The following PRR5L variants were observed in gnomAD, a reference collection of about 807,000 sequenced individuals.
PRR5L encodes proline rich 5 like, also known as proline-rich protein 5-like.
A neutral mutation model predicts 36.4 loss-of-function variants in PRR5L; 21 were observed. The observed-to-expected ratio is 0.58, with a 90% confidence interval of 0.41 to 0.83. PRR5L has a LOEUF of 0.83. Among genes scored for constraint, PRR5L ranks in the 40% least tolerant of loss-of-function variants. PRR5L has a pLI of 0.00. For synonymous variants in PRR5L, 188 were observed against 197.0 expected, an observed-to-expected ratio of 0.95 and a Z score of 0.38; for missense variants, 381 against 473.3, an observed-to-expected ratio of 0.80 and a Z score of 1.81.
chr11:36,370,096 A>T (rs1311470881), intron 1 of PRR5L, among the ~76,000 whole-genome samples: 1 of 152,000 alleles, frequency 6.6e-6, no homozygotes, highest in South Asian at 2.1e-4. Context: ...CCTTACCATG[A>T]CCTTGCTCTG....
Position 36,455,337 on chromosome 11 carries a change from C to T in PRR5L, c.712+4002C>T, listed in dbSNP as rs117891369. 881 of 152,854 alleles carry T rather than the reference C, an allele frequency of 5.8e-3. 6 individuals are homozygous for T. The highest frequency in any genetic ancestry group is 9.4e-3 in the Non-Finnish European group (637 of 68,122). 9.5% of individuals were successfully genotyped at this position (152,854 alleles called of 1,614,324 possible). On this transcript the variant is annotated intron_variant, in intron 8 of 8. Transcript: ENST00000530639. ...AAGTCCCCAACAAAGGACCCGAGGA[C>T]GGCCTTATCCAGGCTTTGCATCTCT...
At chr11:36,338,126 T>C (rs1047286299) in intron 1 of PRR5L, among the ~76,000 whole-genome samples, 6 of 152,124 alleles carry the variant, frequency 3.9e-5, no homozygotes, top group Non-Finnish European at 7.4e-5. Context: ...GCTAGGAAAA[T>C]AAATTAGATG....
intron 4 of PRR5L, among the ~76,000 whole-genome samples, chr11:36,427,631 C>T (rs576306152): frequency 4.6e-5 from 7 of 152,188 alleles, no homozygotes; most frequent in South Asian, 2.1e-4. Flanking sequence ...GGCTGGGTTT[C>T]GCCCCGCCTT....
chr11:36,415,301 T>TA (rs1317053656), intron 3 of PRR5L, among the ~76,000 whole-genome samples: 4 of 152,234 alleles, frequency 2.6e-5, no homozygotes, highest in Non-Finnish European at 5.9e-5. Flanking sequence ...GGACAGCATC[T>TA]TCCTCAAACT....
At chr11:36,340,114 G>A (rs1432900495) in intron 1 of PRR5L, among the ~76,000 whole-genome samples, 2 of 152,230 alleles carry the variant, frequency 1.3e-5, no homozygotes, top group Non-Finnish European at 2.9e-5. Flanking sequence ...ACTGAGCAAA[G>A]GCTGCAGTCT....
chr11:36,338,687 A>G lies in PRR5L; in HGVS notation c.-126+42249A>G, dbSNP rs557011179. On this transcript the variant is annotated intron_variant, in intron 1 of 8. Transcript: ENST00000530639. ...CTCTGTGTTGGGAATTTTGTATGGA[A>G]TAAGATGTTGGACCACTCCTCAAAA... Among the ~76,000 whole-genome samples, 10 of 152,262 alleles carry G rather than the reference A, an allele frequency of 6.6e-5. No homozygotes were observed. In the South Asian group the frequency reaches 2.1e-3, roughly 32 times the overall value.
chr11:36,365,568 A>G lies in PRR5L; in HGVS notation c.-125-35429A>G. ...ATACGACTGCATTTTACAGTATTGC[A>G]TGGAGTATTTTTCCAAAAGTTATTA... On this transcript the variant is annotated intron_variant, in intron 1 of 8. Coordinates refer to ENST00000530639, the MANE Select transcript of PRR5L (RefSeq NM_001160167.2). Among the ~76,000 whole-genome samples, 4 of 152,262 alleles carry G rather than the reference A, an allele frequency of 2.6e-5. No homozygotes were observed. In the Middle Eastern group the frequency reaches 0.01, roughly 388 times the overall value.
intron 1 of PRR5L, chr11:36,362,009 G>C (rs377691065): frequency 4.9e-5 from 7 of 144,228 alleles, no homozygotes; most frequent in South Asian, 2.2e-4. Context: ...CCCTTACCAA[G>C]TTCAAAGTCG....
At chr11:36,428,246 C>T (rs566976900) in intron 4 of PRR5L, among the ~76,000 whole-genome samples, 2 of 152,264 alleles carry the variant, frequency 1.3e-5, no homozygotes, top group African/African-American at 4.8e-5. Flanking sequence ...GAGGCAGGGC[C>T]ATGGGTGAGC....
At chr11:36,426,345 G>A (rs969434629) in intron 4 of PRR5L, among the ~76,000 whole-genome samples, 30 of 151,960 alleles carry the variant, frequency 2.0e-4, no homozygotes, top group African/African-American at 6.5e-4. Flanking sequence ...CACTTACTTT[G>A]TTAGAACACT....
At chr11:36,434,165 G>T (rs1858558826) in intron 5 of PRR5L, among the ~76,000 whole-genome samples, 1 of 152,146 alleles carries the variant, frequency 6.6e-6, no homozygotes, top group African/African-American at 2.4e-5. Context: ...CCCTGCCCTG[G>T]CATGGCCTGA....
intron 1 of PRR5L, among the ~76,000 whole-genome samples, chr11:36,352,273 ATTAT>A (rs1240810336): frequency 6.6e-6 from 1 of 151,502 alleles, no homozygotes; most frequent in East Asian, 1.9e-4. Flanking sequence ...TTTTGATGGG[ATTAT>A]TTGTTTTTTG....
chr11:36,340,017 T>C (rs1449234008), intron 1 of PRR5L, among the ~76,000 whole-genome samples: 1 of 152,206 alleles, frequency 6.6e-6, no homozygotes. Context: ...CTTGCGTCCT[T>C]ACAGCACAGT....
chr11:36,458,403 T>C (rs1354157147), intron 8 of PRR5L, among the ~76,000 whole-genome samples: 2 of 152,250 alleles, frequency 1.3e-5, no homozygotes, highest in African/African-American at 4.8e-5. Flanking sequence ...AGATTGGGAC[T>C]AAACAGCGAG....
At chr11:36,376,289 A>G (rs1178051292) in intron 1 of PRR5L, 7 of 1,135,398 alleles carry the variant, frequency 6.2e-6, no homozygotes, top group Non-Finnish European at 6.8e-6. Context: ...CGGGACAGGA[A>G]AAGTGGGAGG....
At chr11:36,347,245 G>A (rs1038824861) in intron 1 of PRR5L, among the ~76,000 whole-genome samples, 10 of 151,842 alleles carry the variant, frequency 6.6e-5, no homozygotes, top group African/African-American at 2.4e-4. Flanking sequence ...TCTTTTTCAC[G>A]TTCCTAAAAT....
At chr11:36,451,400 G>A in intron 8 of PRR5L, 65 bp downstream of exon 8, 1 of 1,587,912 alleles carries the variant, frequency 6.3e-7, no homozygotes, top group East Asian at 2.2e-5. Context: ...CTGTTTAACT[G>A]AGCACTGTTT....
At chr11:36,384,908 G>T (rs1371347041) in intron 1 of PRR5L, among the ~76,000 whole-genome samples, 1 of 151,722 alleles carries the variant, frequency 6.6e-6, no homozygotes, top group African/African-American at 2.4e-5. Context: ...TGGCCTAAAG[G>T]GATTCTCCCA....
chr11:36,364,315 C>T (rs1234516110), intron 1 of PRR5L, among the ~76,000 whole-genome samples: 1 of 152,070 alleles, frequency 6.6e-6, no homozygotes, highest in African/African-American at 2.4e-5. Context: ...TGGGACTTGC[C>T]TTTGTCCTTT....
Sources: gnomAD v4.1 joint callset for allele counts (sites outside exome capture counted in the v4.1 genomes callset) on GRCh38, gnomAD v4.1.1 for gene constraint, MANE v1.5 for transcripts, NCBI Gene and HGNC (gene_info 2026-07-23, HGNC 2026-07-21) for gene names.